The following TOM1L2 variants were observed in gnomAD, a reference collection of about 807,000 sequenced individuals.
TOM1L2 encodes the protein target of myb1 like 2 membrane trafficking protein, also known as TOM1-like protein 2.
In TOM1L2, 31 loss-of-function variants were observed where a neutral mutation model predicts 67.9. The observed-to-expected ratio is 0.46, with a 90% CI of 0.34 to 0.62. The LOEUF is 0.62. Among genes scored for constraint, TOM1L2 ranks in the 20% least tolerant of loss-of-function variants. The pLI is 0.01. For missense variants in TOM1L2, 606 were observed against 663.5 expected, an observed-to-expected ratio of 0.91 and a Z score of 0.95; for synonymous variants, 256 against 254.0, an observed-to-expected ratio of 1.01 and a Z score of -0.07.
intron 1 of TOM1L2, among the ~76,000 whole-genome samples, chr17:17,962,779 T>G (rs1187360100): frequency 6.6e-6 from 1 of 151,958 alleles, no homozygotes; most frequent in Non-Finnish European, 1.5e-5. Context: ...GCCAACATGG[T>G]GAAACCCTAT....
chr17:17,869,113 A>T, intron 8 of TOM1L2: 1 of 742,490 alleles, frequency 1.3e-6, no homozygotes, highest in Non-Finnish European at 2.0e-6. Context: ...CAAAGGGCAG[A>T]GCCTAATTCT....
intron 1 of TOM1L2, among the ~76,000 whole-genome samples, chr17:17,934,272 T>C (rs1180647437): frequency 1.3e-5 from 2 of 152,082 alleles, no homozygotes; most frequent in Non-Finnish European, 2.9e-5. Flanking sequence ...TAGTGAGACT[T>C]TGTCTCTACA....
At chr17:17,908,857 G>C (rs935519850) in intron 1 of TOM1L2, among the ~76,000 whole-genome samples, 6 of 152,164 alleles carry the variant, frequency 3.9e-5, no homozygotes, top group African/African-American at 1.4e-4. Flanking sequence ...AAATGATATA[G>C]CTGCTATGGA....
intron 1 of TOM1L2, among the ~76,000 whole-genome samples, chr17:17,913,826 T>C (rs2039512016): frequency 6.6e-6 from 1 of 152,202 alleles, no homozygotes; most frequent in Non-Finnish European, 1.5e-5. Context: ...AAACCGAACT[T>C]GGAAACGAGG....
At chr17:17,874,995 A>ACC (rs1244092847) in intron 7 of TOM1L2, among the ~76,000 whole-genome samples, 2 of 152,126 alleles carry the variant, frequency 1.3e-5, no homozygotes, top group African/African-American at 4.8e-5. Context: ...GGTGGCTCAC[A>ACC]CCTGTAATCT....
intron 5 of TOM1L2, among the ~76,000 whole-genome samples, chr17:17,883,771 T>C (rs1366359792): frequency 2.0e-5 from 3 of 152,126 alleles, no homozygotes; most frequent in Non-Finnish European, 4.4e-5. Context: ...TGCTTGCCCT[T>C]TGGGTATCTC....
At chr17:17,898,530 G>C (rs903909472) in intron 3 of TOM1L2, 66 bp downstream of exon 3, 11 of 1,545,738 alleles carry the variant, frequency 7.1e-6, no homozygotes, top group Non-Finnish European at 9.8e-6. Context: ...GGCCCTGTGA[G>C]GGGGGCAAGG....
intron 1 of TOM1L2, among the ~76,000 whole-genome samples, chr17:17,959,083 C>T (rs73303809): frequency 0.024 from 3,712 of 152,320 alleles, 149 homozygotes; most frequent in African/African-American, 0.084. Context: ...GAGTTATATC[C>T]TTTGTCACGA....
At chr17:17,880,454 GC>G (rs2037664901) in intron 6 of TOM1L2, among the ~76,000 whole-genome samples, 1 of 152,196 alleles carries the variant, frequency 6.6e-6, no homozygotes, top group East Asian at 1.9e-4. Context: ...TTCTCCCCTT[GC>G]CCTCAGTCCT....
intron 1 of TOM1L2, among the ~76,000 whole-genome samples, chr17:17,940,233 G>A (rs1373282718): frequency 6.7e-6 from 1 of 148,282 alleles, no homozygotes; most frequent in South Asian, 2.1e-4. Flanking sequence ...GAAGAGTTCT[G>A]CTGCATAGGG....
At chr17:17,952,371 ATTTTCTTTTTTTTTTT>A (rs2041239951) in intron 1 of TOM1L2, among the ~76,000 whole-genome samples, 2 of 31,126 alleles carry the variant, frequency 6.4e-5, no homozygotes, top group Non-Finnish European at 1.2e-4. Context: ...GTGCTTCTTT[ATTTTCTTTTTTTTTTT>A]TTTTTTTTTT....
chr17:17,854,052 G>C (rs2036134952), intron 12 of TOM1L2, among the ~76,000 whole-genome samples: 1 of 152,336 alleles, frequency 6.6e-6, no homozygotes, highest in African/African-American at 2.4e-5. Flanking sequence ...AACCATGGTG[G>C]AGCAGGGTGA....
At chr17:17,896,129 C>T (rs1006654916) in intron 3 of TOM1L2, among the ~76,000 whole-genome samples, 3 of 152,074 alleles carry the variant, frequency 2.0e-5, no homozygotes, top group African/African-American at 7.2e-5. Flanking sequence ...TTGGCATTCA[C>T]TCTCTTGTAG....
chr17:17,959,664 T>TA (rs1481754558), intron 1 of TOM1L2, among the ~76,000 whole-genome samples: 1 of 152,218 alleles, frequency 6.6e-6, no homozygotes, highest in African/African-American at 2.4e-5. Flanking sequence ...ATTTCTCCTT[T>TA]GAGGAGCAGC....
At chr17:17,872,116 G>A in intron 7 of TOM1L2, 1 of 887,426 alleles carries the variant, frequency 1.1e-6, no homozygotes, top group Non-Finnish European at 1.4e-6. Context: ...TCAAAACCCA[G>A]TCACAATTAC....
At chr17:17,958,265 G>A (rs974702196) in intron 1 of TOM1L2, among the ~76,000 whole-genome samples, 1 of 152,140 alleles carries the variant, frequency 6.6e-6, no homozygotes, top group Non-Finnish European at 1.5e-5. Flanking sequence ...AAGTCTCACA[G>A]CAAATCAGCA....
chr17:17,916,422 G>C (rs973266751), intron 1 of TOM1L2, among the ~76,000 whole-genome samples: 1 of 152,062 alleles, frequency 6.6e-6, no homozygotes, highest in Non-Finnish European at 1.5e-5. Flanking sequence ...TTAGGTCTTT[G>C]GTCTGTTTGG....
At chr17:17,946,381 C>T (rs998116050) in intron 1 of TOM1L2, among the ~76,000 whole-genome samples, 5 of 152,276 alleles carry the variant, frequency 3.3e-5, no homozygotes, top group African/African-American at 1.2e-4. Flanking sequence ...TCCCCCTCTC[C>T]CAGCCTCCTA....
chr17:17,861,682 A>T (rs2036567904), intron 11 of TOM1L2, 131 bp from the exon 12 acceptor site: 1 of 761,142 alleles, frequency 1.3e-6, no homozygotes, highest in African/African-American at 1.7e-5. Context: ...ATTTCCTGAA[A>T]CCTTGACATT....
Sources: gnomAD v4.1 joint callset for allele counts (sites outside exome capture counted in the v4.1 genomes callset) on GRCh38, gnomAD v4.1.1 for gene constraint, MANE v1.5 for transcripts, NCBI Gene and HGNC (gene_info 2026-07-23, HGNC 2026-07-21) for gene names.